The following SLC6A7 variants were observed in gnomAD, a reference collection of about 807,000 sequenced individuals.
SLC6A7 encodes the protein solute carrier family 6 member 7, also known as sodium-dependent proline transporter.
Under a neutral mutation model 73.1 loss-of-function variants are expected in SLC6A7, and 58 were observed. The ratio of observed to expected loss-of-function variants is 0.79; its 90% CI spans 0.64 to 0.99. The LOEUF (loss-of-function observed/expected upper bound fraction) is 0.99, where lower values mean the gene tolerates loss of function less well. Ranked by LOEUF, SLC6A7 falls within the 50% of genes least tolerant of loss-of-function variation. SLC6A7 has a pLI of 0.00. For synonymous variants in SLC6A7, 338 were observed against 338.7 expected, an observed-to-expected ratio of 1.00 and a Z score of 0.02; for missense variants, 783 against 831.4, an observed-to-expected ratio of 0.94 and a Z score of 0.72.
chr5:150,204,776 C>T (rs993659495), intron 11 of SLC6A7, 51 bp from the exon 12 acceptor site: 21 of 1,432,796 alleles, frequency 1.5e-5, no homozygotes, highest in African/African-American at 5.6e-5. Flanking sequence ...GGGCTGCTGG[C>T]GTTTGTGGGG....
chr5:150,198,069 AAG>A (rs1472944715), intron 4 of SLC6A7, among the ~76,000 whole-genome samples: 11 of 91,182 alleles, frequency 1.2e-4, no homozygotes, highest in African/African-American at 3.5e-4. Flanking sequence ...GAAAGAAAGA[AAG>A]AAAGAAAGAA....
At chr5:150,202,259 T>G in intron 6 of SLC6A7, 88 bp from the exon 7 acceptor site, 1 of 914,308 alleles carries the variant, frequency 1.1e-6, no homozygotes, top group Non-Finnish European at 1.8e-6. Context: ...ACGCCATCCC[T>G]GGAGCTGTCA....
At position 150,203,944 on chromosome 5, in the gene SLC6A7, A is replaced by G. The variant is rs771623747; in HGVS notation, c.1238A>G (p.Asp413Gly). 6.2e-7 allele frequency: 1 copy of G among 1,613,614 alleles called. No homozygotes were observed. Among genetic ancestry groups the G allele is most frequent in the Non-Finnish European group, 8.5e-7 (1 of 1,179,918 alleles). ...GAGACCATTGTGACAGCTGTGACAG[A>G]TGAGTTCCCATACTACCTGCGGCCC... is the stretch of plus-strand genomic sequence containing the variant. ...FLETIVTAVT[D>G]EFPYYLRPKK... is the part of the protein sequence containing the mutation. Residue 413 changes from aspartate (D) to glycine (G), a missense_variant, in exon 10 of 14, where the codon GAT becomes GGT. Coordinates refer to ENST00000230671, the MANE Select transcript of SLC6A7 (RefSeq NM_014228.5).
chr5:150,209,812 C>A lies in SLC6A7; in HGVS notation c.*197C>A. The A allele has an allele frequency of 1.7e-6, 1 of 605,884 alleles. No individual in the cohort carries two copies. Among genetic ancestry groups the A allele is most frequent in the Non-Finnish European group, 3.0e-6 (1 of 336,554 alleles). 37.5% of individuals were successfully genotyped at this position (605,884 alleles called of 1,614,324 possible). A position where few individuals can be genotyped will look rare whatever the true frequency, so the allele number is the denominator to read the frequency against. On this transcript the variant is annotated 3_prime_UTR_variant, in exon 14 of 14. Transcript: ENST00000230671. ...CCTCTGACAACCCCCTACACACACA[C>A]ACAGGCATACTCAGACCCACTCAAA...
intron 1 of SLC6A7, among the ~76,000 whole-genome samples, chr5:150,191,293 C>G (rs1293555170): frequency 6.6e-6 from 1 of 152,176 alleles, no homozygotes; most frequent in African/African-American, 2.4e-5. Flanking sequence ...GAAGACTGTT[C>G]TCAGGGGCTG....
intron 3 of SLC6A7, 82 bp downstream of exon 3, chr5:150,196,929 C>T: frequency 1.9e-6 from 3 of 1,538,460 alleles, no homozygotes; most frequent in Non-Finnish European, 2.7e-6. Flanking sequence ...CCCCTGCCAG[C>T]TCCAGGCAGA....
intron 1 of SLC6A7, among the ~76,000 whole-genome samples, chr5:150,190,937 C>T (rs1752754646): frequency 6.6e-6 from 1 of 152,266 alleles, no homozygotes; most frequent in Non-Finnish European, 1.5e-5. Flanking sequence ...CTATCGGAGG[C>T]AGGAGGATAT....
In SLC6A7 at chr5:150,197,128, G is replaced by T. The variant is rs142334935; in HGVS notation, c.436G>T (p.Ala146Ser). The T allele has an allele frequency of 2.5e-6, 4 of 1,613,936 alleles. No individual in the cohort carries two copies. Among genetic ancestry groups the T allele is most frequent in the Non-Finnish European group, 3.4e-6 (4 of 1,180,026 alleles). The change falls in exon 4 of 14, where the codon GCC becomes TCC. Residue 146 changes from alanine to serine, a missense_variant. By Grantham distance (99) the Ala-to-Ser change is moderately conservative. Coordinates refer to ENST00000230671, the MANE Select transcript of SLC6A7 (RefSeq NM_014228.5). ...IIAYVLFYLFASLTSDLPWEH... is the reference protein window; with the variant it reads ...IIAYVLFYLFSSLTSDLPWEH... Reference sequence around the variant, plus strand: ...CGCCTACGTGCTCTTCTACCTCTTCGCCTCCCTCACCAGCGACCTACCCTG... The same window carrying T: ...CGCCTACGTGCTCTTCTACCTCTTCTCCTCCCTCACCAGCGACCTACCCTG...
Position 150,209,760 on chromosome 5 carries a change from C to T in SLC6A7, c.*145C>T. On this transcript the variant is annotated 3_prime_UTR_variant, in exon 14 of 14. Coordinates refer to ENST00000230671, the MANE Select transcript of SLC6A7 (RefSeq NM_014228.5). ...GATGCCAGTCCCCCAGTGGGGGTCCCTTCTGCAGCCTCTGCCTCTCCTGAA... is the reference window on the plus strand; with the variant it reads ...GATGCCAGTCCCCCAGTGGGGGTCCTTTCTGCAGCCTCTGCCTCTCCTGAA... 1.5e-6 allele frequency: 1 copy of T among 672,894 alleles called. No homozygotes were observed. Among genetic ancestry groups the T allele is most frequent in the Non-Finnish European group, 2.7e-6 (1 of 377,106 alleles). The allele number at this position is 672,894 out of a possible 1,614,324, so 41.7% of individuals were successfully genotyped here.
intron 1 of SLC6A7, among the ~76,000 whole-genome samples, chr5:150,194,180 A>G (rs990140142): frequency 1.3e-5 from 2 of 152,200 alleles, no homozygotes; most frequent in Non-Finnish European, 2.9e-5. Context: ...CTGTAATCCC[A>G]GCACTTTGGG....
intron 1 of SLC6A7, among the ~76,000 whole-genome samples, chr5:150,192,045 G>C (rs1196353546): frequency 6.6e-6 from 1 of 151,830 alleles, no homozygotes; most frequent in African/African-American, 2.4e-5. Context: ...GCAGAGGGTT[G>C]GTTCTAGGTT....
At chr5:150,197,725 A>G (rs534021437) in intron 4 of SLC6A7, among the ~76,000 whole-genome samples, 2 of 152,292 alleles carry the variant, frequency 1.3e-5, no homozygotes, top group African/African-American at 4.8e-5. Flanking sequence ...TTAGTCATTT[A>G]CCCACTCATT....
At position 150,203,816 on chromosome 5, in the gene SLC6A7, G is replaced by T. The variant is rs764524673; in HGVS notation, c.1200+37G>T. The T allele has an allele frequency of 3.4e-6, 5 of 1,460,842 alleles. No individual in the cohort carries two copies. In the Admixed American group the frequency reaches 8.8e-5, roughly 26 times the overall value. 90.5% of individuals were successfully genotyped at this position (1,460,842 alleles called of 1,614,324 possible). A position where few individuals can be genotyped will look rare whatever the true frequency, so the allele number is the denominator to read the frequency against. ...CTGTGGCAGCAGGCACCCCGTGTGT[G>T]TGTGGTGTGTGTGTGTGTGTGTGTG... On this transcript the variant is annotated intron_variant, in intron 9 of 13. Coordinates refer to ENST00000230671, the MANE Select transcript of SLC6A7 (RefSeq NM_014228.5).
rs1752711215 is a variant in SLC6A7, at chr5:150,190,254, GC to G, written c.-72del. The G allele has an allele frequency of 7.7e-7, 1 of 1,306,114 alleles. No individual in the cohort carries two copies. The highest frequency in any genetic ancestry group is 1.5e-5 in the African/African-American group (1 of 64,648). The allele number at this position is 1,306,114 out of a possible 1,614,324, so 80.9% of individuals were successfully genotyped here. ...GAGCCGCGGGGGCAAAGGCGCAGTG[GC>G]CAGCGGACCATCTCTCGTGCCCTCG... On this transcript the variant is annotated 5_prime_UTR_variant, in exon 1 of 14. It introduces an in-frame stop codon into an upstream open reading frame of the 5' UTR. Transcript: ENST00000230671.
chr5:150,201,195 C>G lies in SLC6A7; in HGVS notation c.830C>G (p.Pro277Arg). 1.2e-6 allele frequency: 2 copies of G among 1,612,996 alleles called. No homozygotes were observed. The highest frequency in any genetic ancestry group is 1.7e-6 in the Non-Finnish European group (2 of 1,179,476). Reference protein sequence around the residue: ...AWKGIQFYLTPQFHHLLSSKV... With the variant: ...AWKGIQFYLTRQFHHLLSSKV... ...AAGGGCATCCAGTTCTATCTCACCC[C>G]CCAGTTCCACCACTTGTTGTCTTCC... The change falls in exon 6 of 14, where the codon CCC becomes CGC. Residue 277 changes from proline to arginine, a missense_variant. Physicochemically the swap from Pro to Arg is moderately radical, Grantham distance 103 (BLOSUM62 -2). Transcript: ENST00000230671.
rs112115168 is a variant in SLC6A7 at position 150,205,315 on chromosome 5, AG to A, written c.1534-138del. 1.0e-4 allele frequency: 66 copies of A among 637,158 alleles called. 1 individual carries two copies. Among genetic ancestry groups the A allele is most frequent in the South Asian group, 9.9e-4 (48 of 48,410 alleles). The allele number at this position is 637,158 out of a possible 1,614,324, so 39.5% of individuals were successfully genotyped here. ...AAAGGCTCCAAAGATGGCCCACTTC[AG>A]GGTTCGGTACAGCTTAGGATCCTGG... On this transcript the variant is annotated intron_variant, in intron 12 of 13. Transcript: ENST00000230671.
chr5:150,203,202 T>A (rs189868487), intron 8 of SLC6A7, among the ~76,000 whole-genome samples: 1 of 151,942 alleles, frequency 6.6e-6, no homozygotes, highest in African/African-American at 2.4e-5. Context: ...AGCAAACGAG[T>A]GTGCATTAAC....
Position 150,190,176 on chromosome 5 carries a change from GCAGCCGC to G in SLC6A7, c.-148_-142del. The G allele has an allele frequency of 5.3e-6, 3 of 567,384 alleles. No homozygotes were observed. The highest frequency in any genetic ancestry group is 8.7e-6 in the Non-Finnish European group (3 of 344,186). 35.1% of individuals were successfully genotyped at this position (567,384 alleles called of 1,614,324 possible). A position where few individuals can be genotyped will look rare whatever the true frequency, so the allele number is the denominator to read the frequency against. On this transcript the variant is annotated 5_prime_UTR_variant, in exon 1 of 14. The change creates a premature stop within an existing upstream ORF in the 5' untranslated region. Transcript: ENST00000230671. Reference sequence around the variant, plus strand: ...AGCGCCCTGCCCGCGCTCCACGCCCGCAGCCGCCAGACGGCAGCGCCTGCGTCCGTGC... The same window carrying G: ...AGCGCCCTGCCCGCGCTCCACGCCCGCAGACGGCAGCGCCTGCGTCCGTGC...
At chr5:150,195,102 C>A (rs1752958859) in intron 2 of SLC6A7, 191 bp downstream of exon 2, 1 of 544,720 alleles carries the variant, frequency 1.8e-6, no homozygotes, top group Non-Finnish European at 3.3e-6. Context: ...ATCACCCAAG[C>A]CCTTCCTTCC....
Sources: allele counts gnomAD v4.1 joint callset (sites outside exome capture counted in the v4.1 genomes callset), GRCh38; gene constraint gnomAD v4.1.1; transcripts MANE v1.5; gene names NCBI Gene and HGNC (gene_info 2026-07-23, HGNC 2026-07-21).